SAMMSON: variants seen among roughly 807,000 people sequenced by gnomAD.
SAMMSON encodes the protein survival associated mitochondrial melanoma specific oncogenic non-coding RNA.
At chr3:70,108,878 C>A (rs1350702335) in intron 4 of SAMMSON, among the ~76,000 whole-genome samples, 1 of 152,118 alleles carries the variant, frequency 6.6e-6, no homozygotes, top group Non-Finnish European at 1.5e-5. Flanking sequence ...ACCATCCTGG[C>A]TATGGGTGTT....
chr3:70,314,903 C>G (rs146542246), intron 7 of SAMMSON, among the ~76,000 whole-genome samples: 1 of 151,960 alleles, frequency 6.6e-6, no homozygotes, highest in Non-Finnish European at 1.5e-5. Flanking sequence ...TACTTGTATC[C>G]TTATGTCCAA....
chr3:70,275,218 G>A (rs1702011977), intron 6 of SAMMSON, among the ~76,000 whole-genome samples: 1 of 152,154 alleles, frequency 6.6e-6, no homozygotes, highest in African/African-American at 2.4e-5. Flanking sequence ...TAGCATTCAT[G>A]ATGATTAAGA....
intron 4 of SAMMSON, among the ~76,000 whole-genome samples, chr3:70,095,363 A>C (rs1039413046): frequency 6.6e-6 from 1 of 152,152 alleles, no homozygotes; most frequent in Non-Finnish European, 1.5e-5. Flanking sequence ...AGGGCTAGCT[A>C]GGTGCCTGGA....
chr3:70,048,662 A>G (rs927281365), intron 3 of SAMMSON, among the ~76,000 whole-genome samples: 2 of 152,094 alleles, frequency 1.3e-5, no homozygotes, highest in Non-Finnish European at 2.9e-5. Flanking sequence ...TTGCTACTAT[A>G]CCTATAACTA....
intron 7 of SAMMSON, among the ~76,000 whole-genome samples, chr3:70,292,682 G>A (rs893830830): frequency 2.0e-5 from 3 of 151,892 alleles, no homozygotes; most frequent in African/African-American, 7.3e-5. Flanking sequence ...ATTTCCAAAT[G>A]TTTTCTCTTT....
intron 4 of SAMMSON, among the ~76,000 whole-genome samples, chr3:70,192,472 A>G (rs1189381925): frequency 6.6e-6 from 1 of 152,148 alleles, no homozygotes; most frequent in Non-Finnish European, 1.5e-5. Flanking sequence ...CATGGAGGTG[A>G]TCTTTAAGCC....
chr3:70,155,467 T>C (rs1460239970), intron 4 of SAMMSON, among the ~76,000 whole-genome samples: 1 of 152,060 alleles, frequency 6.6e-6, no homozygotes, highest in Admixed American at 6.6e-5. Flanking sequence ...ATTCCTATTG[T>C]GAGCCTTCTC....
At chr3:70,189,794 A>G (rs1427849964) in intron 4 of SAMMSON, among the ~76,000 whole-genome samples, 1 of 78,988 alleles carries the variant, frequency 1.3e-5, no homozygotes, top group Non-Finnish European at 3.6e-5. Flanking sequence ...AGTTTGGGGG[A>G]TTGGTCCTGC....
intron 4 of SAMMSON, among the ~76,000 whole-genome samples, chr3:70,154,463 T>G (rs985110075): frequency 1.3e-5 from 2 of 152,018 alleles, no homozygotes; most frequent in African/African-American, 4.8e-5. Flanking sequence ...TGTATTACAT[T>G]GCCTCTCATG....
intron 1 of SAMMSON, chr3:70,009,019 T>A (rs2066942194): frequency 6.6e-6 from 1 of 152,226 alleles, no homozygotes; most frequent in Non-Finnish European, 1.5e-5. Flanking sequence ...AGCTTTTTGA[T>A]GTGCTGCTGG....
In SAMMSON at chr3:70,267,549, C is replaced by T. The variant is rs1214459569; in HGVS notation, n.674+17879C>T. On this transcript the variant is annotated intron_variant and non_coding_transcript_variant, in intron 6 of 9. Coordinates refer to ENST00000642114, the Ensembl canonical transcript of SAMMSON. ...TCCCGAGTAGCTGGGACTACAGGCG[C>T]CCGCCACCATGCCCGGCTAATTTTT... 3.3e-5 allele frequency among the ~76,000 whole-genome samples: 5 copies of T among 150,748 alleles called. No homozygotes were observed. In the South Asian group the frequency reaches 8.4e-4, roughly 25 times the overall value.
intron 4 of SAMMSON, among the ~76,000 whole-genome samples, chr3:70,090,708 T>C (rs1343355722): frequency 1.3e-5 from 2 of 152,034 alleles, no homozygotes; most frequent in Non-Finnish European, 2.9e-5. Flanking sequence ...TGTACACTTA[T>C]GTTAAAAGTA....
intron 3 of SAMMSON, chr3:70,014,266 A>G (rs2066971687): frequency 6.6e-6 from 1 of 152,088 alleles, no homozygotes; most frequent in Admixed American, 6.5e-5. Context: ...CTGCCTTCCA[A>G]TGGAGTAAGA....
chr3:70,164,251 C>G (rs2067627661), intron 4 of SAMMSON, among the ~76,000 whole-genome samples: 1 of 151,920 alleles, frequency 6.6e-6, no homozygotes, highest in Non-Finnish European at 1.5e-5. Flanking sequence ...GAGACACTTG[C>G]CTAATTTTTC....
At chr3:70,201,866 T>G (rs779170465) in intron 4 of SAMMSON, among the ~76,000 whole-genome samples, 3 of 152,196 alleles carry the variant, frequency 2.0e-5, no homozygotes, top group Non-Finnish European at 4.4e-5. Context: ...CTGTCTAGAT[T>G]CAGCCAGTAG....
At chr3:70,341,448 C>A (rs540692988) in intron 7 of SAMMSON, among the ~76,000 whole-genome samples, 1 of 151,988 alleles carries the variant, frequency 6.6e-6, no homozygotes, top group Non-Finnish European at 1.5e-5. Flanking sequence ...GGTTTCTATC[C>A]CAGGCCAGAG....
intron 4 of SAMMSON, among the ~76,000 whole-genome samples, chr3:70,164,894 A>G (rs2067630705): frequency 6.6e-6 from 1 of 152,102 alleles, no homozygotes; most frequent in Non-Finnish European, 1.5e-5. Context: ...GGGGCTTTAA[A>G]AAAGAAAACT....
Position 70,415,453 on chromosome 3 carries a change from T to C in SAMMSON, n.234-47107T>C, listed in dbSNP as rs369961181. 1.3e-4 allele frequency among the ~76,000 whole-genome samples: 20 copies of C among 152,282 alleles called. No individual in the cohort carries two copies. In the East Asian group the frequency reaches 3.9e-3, roughly 29 times the overall value. On this transcript the variant is annotated intron_variant and non_coding_transcript_variant, in intron 2 of 3. Transcript: ENST00000641053. ...TACTTAATGTCGGTGCCAACCTGATTGTTTGATGTTTATTACATAGGTGAG... is the reference window on the plus strand; with the variant it reads ...TACTTAATGTCGGTGCCAACCTGATCGTTTGATGTTTATTACATAGGTGAG...
chr3:70,100,956 T>TTG (rs1456557691), intron 4 of SAMMSON, among the ~76,000 whole-genome samples: 1 of 152,226 alleles, frequency 6.6e-6, no homozygotes, highest in East Asian at 1.9e-4. Context: ...GAGAATCACA[T>TTG]TGTTTATCCA....
Sources: gnomAD v4.1 joint callset for allele counts (sites outside exome capture counted in the v4.1 genomes callset) on GRCh38, gnomAD v4.1.1 for gene constraint, MANE v1.5 for transcripts, NCBI Gene and HGNC (gene_info 2026-07-23, HGNC 2026-07-21) for gene names.